TCERG1L: variants seen among roughly 807,000 people sequenced by gnomAD.
TCERG1L encodes the protein transcription elongation regulator 1-like protein.
TCERG1L carries 37 observed loss-of-function variants against 56.3 expected under a neutral mutation model. The ratio of observed to expected loss-of-function variants is 0.66; its 90% CI spans 0.51 to 0.87. The LOEUF is 0.87. TCERG1L is among the 40% of genes least tolerant of loss of function. TCERG1L has a pLI of 0.00. For synonymous variants in TCERG1L, 324 were observed against 326.3 expected (o/e 0.99, Z 0.08); for missense variants, 799 against 774.2 (o/e 1.03, Z -0.38).
At chr10:131,280,626 A>T (rs913051463) in intron 3 of TCERG1L, among the ~76,000 whole-genome samples, 2 of 152,030 alleles carry the variant, frequency 1.3e-5, no homozygotes, top group South Asian at 4.2e-4. Flanking sequence ...TAGCTTGGTA[A>T]TTTGGGGGCC....
At chr10:131,203,329 T>C (rs1845466734) in intron 4 of TCERG1L, among the ~76,000 whole-genome samples, 5 of 73,280 alleles carry the variant, frequency 6.8e-5, no homozygotes, top group South Asian at 3.5e-4. Context: ...AAAAAAAGAC[T>C]TCCAGTATGT....
chr10:131,179,146 G>C (rs1353217993), intron 4 of TCERG1L, among the ~76,000 whole-genome samples: 1 of 152,180 alleles, frequency 6.6e-6, no homozygotes, highest in African/African-American at 2.4e-5. Flanking sequence ...CAGGCTGCCC[G>C]GATCAGGAGG....
At chr10:131,208,519 A>C (rs1235441268) in intron 4 of TCERG1L, among the ~76,000 whole-genome samples, 3 of 152,186 alleles carry the variant, frequency 2.0e-5, no homozygotes, top group African/African-American at 7.2e-5. Flanking sequence ...GTCTGAGCAG[A>C]CAGATTTTCG....
At chr10:131,207,171 T>C (rs2944486) in intron 4 of TCERG1L, among the ~76,000 whole-genome samples, 135,884 of 144,240 alleles carry the variant, frequency 0.94, 64,169 homozygotes, top group Non-Finnish European at 0.99. Flanking sequence ...TGCCCCGACC[T>C]CTTCCCCTAC....
At chr10:131,095,657 A>G (rs1845238283) in intron 11 of TCERG1L, 1 of 152,252 alleles carries the variant, frequency 6.6e-6, no homozygotes, top group South Asian at 2.1e-4. Flanking sequence ...TCAAAGCAAT[A>G]TATCCCAGTG....
chr10:131,101,322 G>C (rs1845302157), intron 10 of TCERG1L, among the ~76,000 whole-genome samples: 1 of 152,248 alleles, frequency 6.6e-6, no homozygotes, highest in Non-Finnish European at 1.5e-5. Flanking sequence ...GTTCCCAGCT[G>C]TTCTAAGAGA....
At chr10:131,156,130 C>G (rs990867114) in intron 6 of TCERG1L, 2 of 152,146 alleles carry the variant, frequency 1.3e-5, no homozygotes, top group African/African-American at 4.8e-5. Context: ...CCGCATCTCT[C>G]GTAATCACCA....
rs376451753 is a variant in TCERG1L, at chr10:131,231,098, G to A, written c.856+29161C>T. Among the ~76,000 whole-genome samples the A allele has an allele frequency of 3.4e-4, 52 of 152,260 alleles. No individual in the cohort carries two copies. The East Asian group carries it at 8.7e-3, about 26-fold the overall frequency. ...GAGGGGGGCAGTGGCCATGTTGGCC[G>A]GCCCGGCCTGGGTGAATTGGCCTCC... On this transcript the variant is annotated intron_variant, in intron 4 of 11. Transcript: ENST00000368642.
intron 8 of TCERG1L, among the ~76,000 whole-genome samples, chr10:131,122,241 G>A (rs56333118): frequency 6.6e-6 from 1 of 152,056 alleles, no homozygotes; most frequent in East Asian, 1.9e-4. Flanking sequence ...GTATTCATAA[G>A]GAAACCTCTC....
At chr10:131,277,803 G>A (rs1253706412) in intron 3 of TCERG1L, among the ~76,000 whole-genome samples, 4 of 152,142 alleles carry the variant, frequency 2.6e-5, no homozygotes, top group Non-Finnish European at 5.9e-5. Flanking sequence ...GTGCCCGGAG[G>A]AGGGCACAGT....
In TCERG1L at chr10:131,107,956, T is replaced by TACACACACACAC. The variant is rs59364659; in HGVS notation, c.1396-3614_1396-3603dup. 1.9e-3 allele frequency among the ~76,000 whole-genome samples: 279 copies of TACACACACACAC among 146,852 alleles called. 1 individual carries two copies. Among genetic ancestry groups the TACACACACACAC allele is most frequent in the South Asian group, 3.8e-3 (17 of 4,492 alleles). The stretch of plus-strand genomic sequence containing the variant: ...TGATACACACATGCACATGTGTGCC[T>TACACACACACAC]ACACACACACACACACACACACACA... On this transcript the variant is annotated intron_variant, in intron 9 of 11. Coordinates refer to ENST00000368642, the MANE Select transcript of TCERG1L (RefSeq NM_174937.4).
chr10:131,186,039 A>C (rs34902014), intron 4 of TCERG1L, among the ~76,000 whole-genome samples: 17,861 of 152,216 alleles, frequency 0.12, 1,249 homozygotes, highest in East Asian at 0.22. Flanking sequence ...AAAGGGACGA[A>C]CTGCTGATAT....
At chr10:131,137,381 C>A (rs1274539102) in intron 7 of TCERG1L, among the ~76,000 whole-genome samples, 2 of 152,238 alleles carry the variant, frequency 1.3e-5, no homozygotes, top group African/African-American at 4.8e-5. Flanking sequence ...CGTCACTGGG[C>A]CTTCTGGCCG....
At chr10:131,291,276 G>A (rs1846618036) in intron 3 of TCERG1L, among the ~76,000 whole-genome samples, 1 of 151,318 alleles carries the variant, frequency 6.6e-6, no homozygotes, top group Non-Finnish European at 1.5e-5. Flanking sequence ...AAAAACTGAT[G>A]TAAACTTTAG....
intron 3 of TCERG1L, among the ~76,000 whole-genome samples, chr10:131,305,151 G>C (rs1026519454): frequency 3.3e-5 from 5 of 152,064 alleles, no homozygotes. Flanking sequence ...TGCGCCACTT[G>C]CATTTCTCCC....
intron 3 of TCERG1L, among the ~76,000 whole-genome samples, chr10:131,272,194 C>T (rs1846347035): frequency 6.6e-6 from 1 of 152,146 alleles, no homozygotes; most frequent in Non-Finnish European, 1.5e-5. Context: ...CACACAGCTC[C>T]ACACACAGCT....
At chr10:131,265,844 G>C (rs1846279570) in intron 3 of TCERG1L, among the ~76,000 whole-genome samples, 1 of 152,258 alleles carries the variant, frequency 6.6e-6, no homozygotes, top group Non-Finnish European at 1.5e-5. Context: ...GATCAGGATG[G>C]TGGTTGCTGA....
At chr10:131,172,195 T>C (rs1182024219) in intron 4 of TCERG1L, among the ~76,000 whole-genome samples, 1 of 148,520 alleles carries the variant, frequency 6.7e-6, no homozygotes, top group Admixed American at 6.6e-5. Context: ...CATGAGGCTG[T>C]AAGAACATGC....
At chr10:131,219,822 C>T (rs141636716) in intron 4 of TCERG1L, among the ~76,000 whole-genome samples, 84 of 152,248 alleles carry the variant, frequency 5.5e-4, no homozygotes, top group African/African-American at 2.0e-3. Context: ...AACTAAGGGA[C>T]GGGAAGGTAA....
Sources: allele counts gnomAD v4.1 joint callset (sites outside exome capture counted in the v4.1 genomes callset), GRCh38; gene constraint gnomAD v4.1.1; transcripts MANE v1.5; gene names NCBI Gene and HGNC (gene_info 2026-07-23, HGNC 2026-07-21).